LRRC49: variants seen among roughly 807,000 people sequenced by gnomAD.
LRRC49 encodes the protein leucine-rich repeat-containing protein 49.
Under a neutral mutation model 83.3 loss-of-function variants are expected in LRRC49, and 50 were observed. That is an observed-to-expected ratio of 0.60 (90% CI 0.48 to 0.76). The LOEUF is 0.76. Ranked by LOEUF, LRRC49 falls within the 30% of genes least tolerant of loss-of-function variation. The pLI, the probability that LRRC49 is intolerant of heterozygous loss-of-function variation, is 0.00. For missense variants in LRRC49, 704 were observed against 809.1 expected, an observed-to-expected ratio of 0.87 and a Z score of 1.58; for synonymous variants, 286 against 283.3, an observed-to-expected ratio of 1.01 and a Z score of -0.10.
chr15:71,022,232 G>T (rs2039016482), intron 14 of LRRC49, among the ~76,000 whole-genome samples: 1 of 152,072 alleles, frequency 6.6e-6, no homozygotes, highest in African/African-American at 2.4e-5. Context: ...AATTAGCTGG[G>T]TGTGGTGGAA....
intron 3 of LRRC49, among the ~76,000 whole-genome samples, chr15:70,899,161 T>C (rs2033963629): frequency 6.6e-6 from 1 of 152,210 alleles, no homozygotes; most frequent in Non-Finnish European, 1.5e-5. Flanking sequence ...AATCTTTGGT[T>C]ATTGCCTCTG....
rs1326502149 is a variant in LRRC49, at chr15:71,052,701, G to A, written c.*3089G>A. 2.0e-5 allele frequency: 3 copies of A among 151,912 alleles called. No homozygotes were observed. Among genetic ancestry groups the A allele is most frequent in the East Asian group, 1.9e-4 (1 of 5,182 alleles). 9.4% of individuals were successfully genotyped at this position (151,912 alleles called of 1,614,324 possible). A position where few individuals can be genotyped will look rare whatever the true frequency, so the allele number is the denominator to read the frequency against. On this transcript the variant is annotated 3_prime_UTR_variant, in exon 16 of 16. Coordinates refer to ENST00000260382, the MANE Select transcript of LRRC49 (RefSeq NM_017691.5). ...TTCTCATTTAATCTCCTAACACTGCGATATATATATGATAGCAATCCCATT... is the reference window on the plus strand; with the variant it reads ...TTCTCATTTAATCTCCTAACACTGCAATATATATATGATAGCAATCCCATT...
intron 15 of LRRC49, among the ~76,000 whole-genome samples, chr15:71,040,600 A>C (rs1003203977): frequency 6.6e-6 from 1 of 152,030 alleles, no homozygotes; most frequent in South Asian, 2.1e-4. Flanking sequence ...CAGGCGGATC[A>C]TGAGGTTAGG....
intron 4 of LRRC49, 95 bp from the exon 5 acceptor site, chr15:70,904,457 A>G (rs537391848): frequency 2.5e-6 from 2 of 800,012 alleles, no homozygotes; most frequent in East Asian, 2.6e-5. Flanking sequence ...TTTTCTCCTC[A>G]CAGAATGGGA....
At chr15:70,953,997 C>T (rs975671951) in intron 8 of LRRC49, among the ~76,000 whole-genome samples, 5 of 151,956 alleles carry the variant, frequency 3.3e-5, no homozygotes, top group Non-Finnish European at 5.9e-5. Flanking sequence ...TGGGTTCAAG[C>T]GATTCTCCAG....
intron 6 of LRRC49, 48 bp downstream of exon 6, chr15:70,911,646 GA>G (rs1477236275): frequency 2.6e-6 from 3 of 1,156,566 alleles, no homozygotes; most frequent in Admixed American, 2.4e-5. Flanking sequence ...AAAAGTCCAG[GA>G]AAATGGTATA....
At chr15:70,999,644 T>C (rs1280653991) in intron 11 of LRRC49, among the ~76,000 whole-genome samples, 1 of 152,124 alleles carries the variant, frequency 6.6e-6, no homozygotes, top group East Asian at 1.9e-4. Context: ...TAGTGTCTTC[T>C]CAGGTCTTTT....
At chr15:71,004,611 C>T (rs1169638640) in intron 11 of LRRC49, among the ~76,000 whole-genome samples, 3 of 149,462 alleles carry the variant, frequency 2.0e-5, no homozygotes, top group African/African-American at 7.4e-5. Flanking sequence ...GATTGTGCCA[C>T]TGCACTCCAG....
At chr15:71,001,688 T>G (rs1207325135) in intron 11 of LRRC49, among the ~76,000 whole-genome samples, 1 of 151,784 alleles carries the variant, frequency 6.6e-6, no homozygotes, top group Admixed American at 6.6e-5. Context: ...GCTTAGTCTA[T>G]CTGCTATTTT....
chr15:70,900,597 T>C (rs1484874269), intron 3 of LRRC49: 1 of 461,032 alleles, frequency 2.2e-6, no homozygotes, highest in Non-Finnish European at 4.3e-6. Flanking sequence ...TGAGGAACTA[T>C]CATTTTAGTT....
intron 14 of LRRC49, among the ~76,000 whole-genome samples, chr15:71,018,699 A>T (rs2038903665): frequency 6.6e-6 from 1 of 152,116 alleles, no homozygotes; most frequent in Admixed American, 6.6e-5. Flanking sequence ...TAATTCTGAC[A>T]CTGCCTACCT....
intron 2 of LRRC49, among the ~76,000 whole-genome samples, chr15:70,879,913 T>C (rs1232186999): frequency 6.6e-6 from 1 of 152,142 alleles, no homozygotes; most frequent in Non-Finnish European, 1.5e-5. Flanking sequence ...ATTAAACCAA[T>C]CATAAGAACA....
upstream of LRRC49, chr15:70,892,589 A>G: frequency 6.8e-7 from 1 of 1,472,044 alleles, no homozygotes; most frequent in Non-Finnish European, 9.0e-7. Flanking sequence ...GGTGGTGGTT[A>G]TAGCAACCAG....
chr15:70,925,370 T>G (rs912753789), intron 7 of LRRC49, among the ~76,000 whole-genome samples: 4 of 152,144 alleles, frequency 2.6e-5, no homozygotes, highest in Admixed American at 2.6e-4. Flanking sequence ...ATTGGAAGAA[T>G]GGCCGCAATT....
intron 1 of LRRC49, chr15:70,860,040 T>A (rs2032749628): frequency 1.3e-6 from 1 of 741,480 alleles, no homozygotes; most frequent in Non-Finnish European, 2.5e-6. Context: ...GGCTCCAGCT[T>A]TGGCTCTGGC....
At chr15:70,926,905 A>G (rs1233414275) in intron 7 of LRRC49, among the ~76,000 whole-genome samples, 1 of 152,216 alleles carries the variant, frequency 6.6e-6, no homozygotes, top group Non-Finnish European at 1.5e-5. Flanking sequence ...AAACAACCCC[A>G]CCAAAAATTG....
At chr15:70,927,514 G>A (rs1183453109) in intron 7 of LRRC49, among the ~76,000 whole-genome samples, 1 of 152,002 alleles carries the variant, frequency 6.6e-6, no homozygotes, top group South Asian at 2.1e-4. Context: ...TTTGTTAGTT[G>A]TTATTATCTT....
chr15:71,025,020 C>T (rs1326071586), intron 14 of LRRC49, among the ~76,000 whole-genome samples: 1 of 152,100 alleles, frequency 6.6e-6, no homozygotes, highest in East Asian at 1.9e-4. Context: ...AAGGAATGAA[C>T]AAAATCTCTG....
intron 11 of LRRC49, among the ~76,000 whole-genome samples, chr15:70,991,704 G>T (rs2037886962): frequency 6.6e-6 from 1 of 152,148 alleles, no homozygotes; most frequent in Admixed American, 6.5e-5. Context: ...AAAAATCAAA[G>T]ATAGAATACA....
Sources: allele counts gnomAD v4.1 joint callset (sites outside exome capture counted in the v4.1 genomes callset), GRCh38; gene constraint gnomAD v4.1.1; transcripts MANE v1.5; gene names NCBI Gene and HGNC (gene_info 2026-07-23, HGNC 2026-07-21).